Variants in ENTPD6 observed in about 807,000 individuals in gnomAD.
ENTPD6 encodes the protein CD39 antigen-like 2.
Under a neutral mutation model 61.5 loss-of-function variants are expected in ENTPD6, and 46 were observed. The observed-to-expected ratio is 0.75, with a 90% confidence interval of 0.59 to 0.96. The LOEUF is 0.96. Among genes scored for constraint, ENTPD6 ranks in the 40% least tolerant of loss-of-function variants. ENTPD6 has a pLI of 0.00. For synonymous variants in ENTPD6, 252 were observed against 255.5 expected (o/e 0.99, Z 0.13); for missense variants, 612 against 629.0 (o/e 0.97, Z 0.29).
At chr20:25,204,545 A>G (rs959707116) in intron 1 of ENTPD6, among the ~76,000 whole-genome samples, 3 of 151,892 alleles carry the variant, frequency 2.0e-5, no homozygotes, top group African/African-American at 7.3e-5. Context: ...GTTCTACTGT[A>G]TTTCTCACCT....
intron 13 of ENTPD6, chr20:25,224,488 G>C (rs896540902): frequency 5.6e-5 from 11 of 196,146 alleles, no homozygotes; most frequent in Non-Finnish European, 3.1e-5. Flanking sequence ...CCTGGGATGT[G>C]GGGTGGAGGG....
rs1488105338 is a variant in ENTPD6 at position 25,222,913 on chromosome 20, TG to T, written c.1122del (p.Lys375SerfsTer21). 1 of 1,613,908 alleles carries T rather than the reference TG, an allele frequency of 6.2e-7. No homozygotes were observed. The highest frequency in any genetic ancestry group is 8.5e-7 in the Non-Finnish European group (1 of 1,180,030). ...AACAGAGTGCACAGGACGGAGGAAG[TG>T]AAGCATGTGGACTTCTATGCTTTCT... ...LQNRVHRTEE[V>X]KHVDFYAFSY... On this transcript the variant is annotated frameshift_variant, in exon 12 of 15. Transcript: ENST00000376652. LOFTEE classifies it high-confidence loss of function.
intron 1 of ENTPD6, among the ~76,000 whole-genome samples, chr20:25,201,576 C>T (rs2091035528): frequency 6.6e-6 from 1 of 152,174 alleles, no homozygotes; most frequent in Admixed American, 6.5e-5. Context: ...ATTGGTACAG[C>T]AACCCCTGCT....
chr20:25,197,347 CCTCAGCAGGAGCCACACCTCT>C, intron 1 of ENTPD6: 4 of 693,348 alleles, frequency 5.8e-6, no homozygotes, highest in Non-Finnish European at 7.1e-6. Context: ...TGGAGGGTGG[CCTCAGCAGGAGCCACACCTCT>C]CTGTTTGCCT....
chr20:25,225,421 C>T, intron 14 of ENTPD6, 78 bp from the exon 15 acceptor site: 1 of 1,578,212 alleles, frequency 6.3e-7, no homozygotes, highest in Non-Finnish European at 8.7e-7. Context: ...TCCCTGGCTT[C>T]CAAGGAGCCA....
At chr20:25,200,036 G>A (rs929577312) in intron 1 of ENTPD6, among the ~76,000 whole-genome samples, 2 of 152,076 alleles carry the variant, frequency 1.3e-5, no homozygotes, top group South Asian at 2.1e-4. Flanking sequence ...TTTGATTTTC[G>A]GAGGAAGCTC....
chr20:25,205,782 GTCTTACC>G (rs1421528573), intron 1 of ENTPD6, among the ~76,000 whole-genome samples: 5 of 152,332 alleles, frequency 3.3e-5, no homozygotes, highest in African/African-American at 1.2e-4. Flanking sequence ...GGCAGTGCTT[GTCTTACC>G]TCTCTGGGCC....
chr20:25,221,323 G>A lies in ENTPD6; in HGVS notation c.1035G>A (p.Gly345=). 6.2e-7 allele frequency: 1 copy of A among 1,614,056 alleles called. No homozygotes were observed. Among genetic ancestry groups the A allele is most frequent in the African/African-American group, 1.3e-5 (1 of 75,068 alleles). Residue 345 remains glycine, a synonymous_variant, in exon 11 of 15, where the codon GGG becomes GGA. Coordinates refer to ENST00000376652, the MANE Select transcript of ENTPD6 (RefSeq NM_001247.5). ...CAGAAGTCACGTACAGGGTTTCAGG[G>A]CAGAAAGCAGGTACGGGGAGGGTTG... ...EHAEVTYRVS[G]QKAAASLHEL...
At chr20:25,196,967 C>A in intron 1 of ENTPD6, 1 of 392,356 alleles carries the variant, frequency 2.5e-6, no homozygotes, top group Non-Finnish European at 3.5e-6. Context: ...CCCCTCCCAC[C>A]GCCTCCTGTG....
rs750529735 is a variant in ENTPD6, at chr20:25,207,044, T to C, written c.55-32T>C. 14 of 1,570,406 alleles carry C rather than the reference T, an allele frequency of 8.9e-6. No individual in the cohort carries two copies. The South Asian group carries it at 1.6e-4, about 18-fold the overall frequency. ...CTCCTTGGATCCTAGCACCCTAACG[T>C]GCTTTTCCTGCCTCTCCCCCCTTCC... is the stretch of plus-strand genomic sequence containing the variant. On this transcript the variant is annotated intron_variant, in intron 2 of 14. Coordinates refer to ENST00000376652, the MANE Select transcript of ENTPD6 (RefSeq NM_001247.5).
chr20:25,210,770 T>A (rs972262964), intron 4 of ENTPD6, among the ~76,000 whole-genome samples: 4 of 152,092 alleles, frequency 2.6e-5, no homozygotes, highest in Non-Finnish European at 5.9e-5. Context: ...GGTGAAACCT[T>A]GTCTCTACTA....
intron 4 of ENTPD6, among the ~76,000 whole-genome samples, chr20:25,211,544 A>G (rs942212169): frequency 6.6e-6 from 1 of 152,248 alleles, no homozygotes; most frequent in African/African-American, 2.4e-5. Flanking sequence ...TTTACTTCAC[A>G]CCCACGGTGG....
In ENTPD6 at chr20:25,225,309, G is replaced by C. The variant is rs775848233; in HGVS notation, c.1348G>C (p.Val450Leu). Residue 450 changes from valine to leucine, a missense_variant, in exon 14 of 15, where the codon GTG (valine) becomes CTG (leucine). By Grantham distance (32) the Val-to-Leu change is conservative (BLOSUM62 1). Transcript: ENST00000376652. ...LQEFGFPRSK[V>L]LKLTRKIDNV... ...GGAGTTCGGCTTTCCCAGGAGCAAAGTGCTGAAGGTAAGGGTGCCCTCAGG... is the reference window on the plus strand; with the variant it reads ...GGAGTTCGGCTTTCCCAGGAGCAAACTGCTGAAGGTAAGGGTGCCCTCAGG... 6.2e-7 allele frequency: 1 copy of C among 1,612,938 alleles called. No homozygotes were observed. The highest frequency in any genetic ancestry group is 1.1e-5 in the South Asian group (1 of 91,060).
At chr20:25,205,733 G>A (rs2091433699) in intron 1 of ENTPD6, among the ~76,000 whole-genome samples, 1 of 152,220 alleles carries the variant, frequency 6.6e-6, no homozygotes, top group African/African-American at 2.4e-5. Flanking sequence ...GGGTGGCCAG[G>A]CCACTGGTGA....
chr20:25,207,493 A>G (rs776081908), intron 3 of ENTPD6, 96 bp downstream of exon 3: 53 of 1,172,906 alleles, frequency 4.5e-5, no homozygotes, highest in Non-Finnish European at 6.0e-5. Context: ...GAGCTTGTCT[A>G]AATGCAGTTT....
chr20:25,224,005 G>T, intron 12 of ENTPD6, 96 bp from the exon 13 acceptor site: 1 of 1,176,434 alleles, frequency 8.5e-7, no homozygotes. Flanking sequence ...AGTGCCTTGG[G>T]GCTCTTGGGC....
chr20:25,214,093 C>T (rs935362048), intron 5 of ENTPD6, among the ~76,000 whole-genome samples: 3 of 152,182 alleles, frequency 2.0e-5, no homozygotes, highest in South Asian at 2.1e-4. Flanking sequence ...GATGCTCAGA[C>T]GTGACTGTCG....
chr20:25,198,194 G>A (rs1230319335), intron 1 of ENTPD6, among the ~76,000 whole-genome samples: 1 of 152,116 alleles, frequency 6.6e-6, no homozygotes, highest in East Asian at 1.9e-4. Context: ...TTTGATTATG[G>A]GCCAGGTGCG....
chr20:25,215,430 A>C (rs2092259019), intron 6 of ENTPD6, among the ~76,000 whole-genome samples: 1 of 152,196 alleles, frequency 6.6e-6, no homozygotes, highest in African/African-American at 2.4e-5. Context: ...TAATAACCAG[A>C]GGAGAGACGC....
Sources: allele counts gnomAD v4.1 joint callset (sites outside exome capture counted in the v4.1 genomes callset), GRCh38; gene constraint gnomAD v4.1.1; transcripts MANE v1.5; gene names NCBI Gene and HGNC (gene_info 2026-07-23, HGNC 2026-07-21).